Variants in RIMS1 observed in about 807,000 individuals in gnomAD.
RIMS1 encodes the protein regulating synaptic membrane exocytosis protein 1.
A neutral mutation model predicts 214.1 loss-of-function variants in RIMS1; 83 were observed. The observed-to-expected ratio is 0.39, with a 90% CI of 0.32 to 0.47. RIMS1 has a LOEUF of 0.47. RIMS1 is among the 20% of genes least tolerant of loss of function. The pLI, the probability that RIMS1 is intolerant of heterozygous loss-of-function variation, is 0.99. For missense variants in RIMS1, 2,050 were observed against 2,161.8 expected, an observed-to-expected ratio of 0.95 and a Z score of 1.03; for synonymous variants, 793 against 786.8, an observed-to-expected ratio of 1.01 and a Z score of -0.13.
At chr6:72,296,983 C>G (rs2094154443) in intron 26 of RIMS1, among the ~76,000 whole-genome samples, 1 of 151,504 alleles carries the variant, frequency 6.6e-6, no homozygotes, top group Admixed American at 6.6e-5. Flanking sequence ...TATTTCTCAC[C>G]CTTAGCATAT....
intron 29 of RIMS1, chr6:72,365,901 CGGGCCTTAGAA>C (rs1360963190): frequency 6.6e-6 from 1 of 152,152 alleles, no homozygotes; most frequent in East Asian, 1.9e-4. Context: ...TTGAAGAAGA[CGGGCCTTAGAA>C]TTTGGTTGTG....
At chr6:71,948,061 G>A (rs1428859741) in intron 1 of RIMS1, among the ~76,000 whole-genome samples, 4 of 152,118 alleles carry the variant, frequency 2.6e-5, no homozygotes, top group Non-Finnish European at 1.5e-5. Flanking sequence ...AGATACTGAA[G>A]TAATGGGATT....
intron 4 of RIMS1, among the ~76,000 whole-genome samples, chr6:72,130,700 A>G (rs1035427013): frequency 6.6e-5 from 10 of 152,154 alleles, no homozygotes; most frequent in Non-Finnish European, 1.2e-4. Flanking sequence ...TACATATATG[A>G]TAGACATTTG....
At chr6:71,893,850 G>A (rs540554577) in intron 1 of RIMS1, among the ~76,000 whole-genome samples, 1 of 152,258 alleles carries the variant, frequency 6.6e-6, no homozygotes, top group Admixed American at 6.5e-5. Context: ...GCAAAATAGA[G>A]CTGTTTAAAA....
chr6:72,026,520 G>T (rs531500483), intron 2 of RIMS1, among the ~76,000 whole-genome samples: 8 of 139,550 alleles, frequency 5.7e-5, no homozygotes, highest in Non-Finnish European at 1.1e-4. Flanking sequence ...TACCAATGTG[G>T]AGTCCATTTG....
At chr6:71,939,796 A>G (rs1785501798) in intron 1 of RIMS1, among the ~76,000 whole-genome samples, 1 of 152,202 alleles carries the variant, frequency 6.6e-6, no homozygotes, top group Admixed American at 6.5e-5. Flanking sequence ...ATGGCAGTTA[A>G]GTTACCATAT....
chr6:72,057,761 C>T (rs541066333), intron 2 of RIMS1, among the ~76,000 whole-genome samples: 92 of 152,292 alleles, frequency 6.0e-4, no homozygotes, highest in African/African-American at 2.1e-3. Flanking sequence ...CCCGTCTCGG[C>T]CTCCCAAAGT....
chr6:72,155,137 G>A (rs2044263968), intron 4 of RIMS1, among the ~76,000 whole-genome samples: 1 of 140,524 alleles, frequency 7.1e-6, no homozygotes, highest in Admixed American at 7.3e-5. Flanking sequence ...TTTTCTCCTA[G>A]GCCTCCAGGC....
At chr6:72,214,817 G>C (rs2055080142) in intron 6 of RIMS1, among the ~76,000 whole-genome samples, 1 of 151,988 alleles carries the variant, frequency 6.6e-6, no homozygotes, top group South Asian at 2.1e-4. Context: ...TGTCTCCTGG[G>C]TTCAAGCGAT....
intron 6 of RIMS1, among the ~76,000 whole-genome samples, chr6:72,227,286 A>G (rs998268726): frequency 6.6e-6 from 1 of 152,046 alleles, no homozygotes; most frequent in African/African-American, 2.4e-5. Context: ...AGAAATGCTT[A>G]TAATTATATA....
chr6:72,036,659 C>T (rs920929533), intron 2 of RIMS1, among the ~76,000 whole-genome samples: 1 of 149,212 alleles, frequency 6.7e-6, no homozygotes, highest in African/African-American at 2.4e-5. Context: ...TAGCAGCAAC[C>T]ACATATTTAA....
At chr6:72,258,707 T>G (rs2076846217) in intron 17 of RIMS1, among the ~76,000 whole-genome samples, 1 of 152,176 alleles carries the variant, frequency 6.6e-6, no homozygotes, top group African/African-American at 2.4e-5. Flanking sequence ...AGTGCTCTAC[T>G]TCATTTTACT....
chr6:71,899,156 C>T (rs1054083787), intron 1 of RIMS1, among the ~76,000 whole-genome samples: 43 of 152,124 alleles, frequency 2.8e-4, no homozygotes, highest in African/African-American at 9.9e-4. Context: ...TAAGCTGTAT[C>T]AACATTTCTT....
intron 1 of RIMS1, among the ~76,000 whole-genome samples, chr6:71,962,356 A>C (rs918198561): frequency 1.3e-5 from 2 of 152,162 alleles, no homozygotes; most frequent in Admixed American, 1.3e-4. Context: ...GGGAAGGTCA[A>C]CATTTCTCAT....
At position 72,290,661 on chromosome 6, in the gene RIMS1, T is replaced by C. The variant is rs989072824; in HGVS notation, c.3555-18T>C. 6.2e-7 allele frequency: 1 copy of C among 1,607,090 alleles called. No homozygotes were observed. Among genetic ancestry groups the C allele is most frequent in the Non-Finnish European group, 8.5e-7 (1 of 1,175,630 alleles). On this transcript the variant is annotated intron_variant, in intron 24 of 33. Transcript: ENST00000521978. The stretch of plus-strand genomic sequence containing the variant: ...TGAACCTGCTGACTGAAGATCTTTT[T>C]TGGCCCTAATGTTTTAGGGTTCTCC...
intron 5 of RIMS1, among the ~76,000 whole-genome samples, chr6:72,181,354 A>C (rs2048372290): frequency 6.6e-6 from 1 of 152,198 alleles, no homozygotes; most frequent in Non-Finnish European, 1.5e-5. Context: ...GAGATATCTC[A>C]GGGAACGTAG....
intron 28 of RIMS1, among the ~76,000 whole-genome samples, chr6:72,322,405 A>G (rs1212473259): frequency 6.6e-6 from 1 of 152,110 alleles, no homozygotes; most frequent in East Asian, 1.9e-4. Context: ...ATTTTAACGT[A>G]TGTCTTCATT....
chr6:72,154,717 A>G (rs1329254102), intron 4 of RIMS1, among the ~76,000 whole-genome samples: 1 of 140,824 alleles, frequency 7.1e-6, no homozygotes, highest in African/African-American at 2.5e-5. Flanking sequence ...GGATAAAAAG[A>G]ACAGTTTCAC....
chr6:72,182,856 C>G lies in RIMS1; in HGVS notation c.1385C>G (p.Pro462Arg), dbSNP rs560642940. 20 of 1,557,290 alleles carry G rather than the reference C, an allele frequency of 1.3e-5. No individual in the cohort carries two copies. In the South Asian group the frequency reaches 1.8e-4, roughly 14 times the overall value. The change falls in exon 6 of 34, where the codon CCG (proline) becomes CGG (arginine). Residue 462 changes from proline (P) to arginine (R), a missense_variant. By Grantham distance (103) the Pro-to-Arg change is moderately radical (BLOSUM62 -2). Coordinates refer to ENST00000521978, the MANE Select transcript of RIMS1 (RefSeq NM_014989.7). ...PRHGPVPAEA[P>R]ELKAQEPLRK... ...CATGGGCCGGTTCCCGCAGAAGCCC[C>G]GGAGCTCAAAGCCCAGGAGCCCCTC...
Sources: allele counts gnomAD v4.1 joint callset (sites outside exome capture counted in the v4.1 genomes callset), GRCh38; gene constraint gnomAD v4.1.1; transcripts MANE v1.5; gene names NCBI Gene and HGNC (gene_info 2026-07-23, HGNC 2026-07-21).